CADM2: variants seen among roughly 807,000 people sequenced by gnomAD.
CADM2 encodes immunoglobulin superfamily member 4D.
Under a neutral mutation model 49.8 loss-of-function variants are expected in CADM2, and 12 were observed. The ratio of observed to expected loss-of-function variants is 0.24; its 90% CI spans 0.15 to 0.39. CADM2 has a LOEUF of 0.39. Among genes scored for constraint, CADM2 ranks in the 10% least tolerant of loss-of-function variants. CADM2 has a pLI of 1.00. For missense variants in CADM2, 378 were observed against 492.3 expected, an observed-to-expected ratio of 0.77 and a Z score of 2.20; for synonymous variants, 214 against 175.4, an observed-to-expected ratio of 1.22 and a Z score of -1.74.
At chr3:85,303,396 C>T (rs549154718) in intron 1 of CADM2, among the ~76,000 whole-genome samples, 69 of 152,056 alleles carry the variant, frequency 4.5e-4, no homozygotes, top group African/African-American at 1.6e-3. Context: ...CACACCCACA[C>T]TGCGCAAAGT....
At chr3:85,653,581 T>A (rs1430831571) in intron 1 of CADM2, among the ~76,000 whole-genome samples, 1 of 151,950 alleles carries the variant, frequency 6.6e-6, no homozygotes, top group African/African-American at 2.4e-5. Context: ...CAAGAGATTT[T>A]TACAATTTAA....
In CADM2 at chr3:86,067,551, C is replaced by A. The variant is rs1739469462; in HGVS notation, c.*768C>A. ...CTTTTGGAATCACAAATATTTAATTCATTTCTCTAATTTGATTCTATAATT... is the reference window on the plus strand; with the variant it reads ...CTTTTGGAATCACAAATATTTAATTAATTTCTCTAATTTGATTCTATAATT... On this transcript the variant is annotated 3_prime_UTR_variant, in exon 10 of 10. Transcript: ENST00000383699. 6.6e-6 allele frequency: 1 copy of A among 152,448 alleles called. No individual in the cohort carries two copies. Among genetic ancestry groups the A allele is most frequent in the Non-Finnish European group, 1.5e-5 (1 of 67,934 alleles). 9.4% of individuals were successfully genotyped at this position (152,448 alleles called of 1,614,324 possible).
intron 6 of CADM2, among the ~76,000 whole-genome samples, chr3:85,919,786 C>T (rs1296934286): frequency 6.6e-6 from 1 of 151,752 alleles, no homozygotes; most frequent in African/African-American, 2.4e-5. Context: ...TGTTACTTTT[C>T]TGGACCAACT....
intron 2 of CADM2, among the ~76,000 whole-genome samples, chr3:85,795,898 A>G (rs2071591820): frequency 6.6e-6 from 1 of 152,230 alleles, no homozygotes. Context: ...TTGAACTTTC[A>G]GAACAAACTC....
At chr3:85,440,874 T>C (rs777799321) in intron 1 of CADM2, among the ~76,000 whole-genome samples, 13 of 151,934 alleles carry the variant, frequency 8.6e-5, no homozygotes, top group Non-Finnish European at 1.8e-4. Flanking sequence ...CCCAGTTATT[T>C]ACGAGGCTGA....
At chr3:85,545,571 A>C (rs981207447) in intron 1 of CADM2, among the ~76,000 whole-genome samples, 1 of 152,134 alleles carries the variant, frequency 6.6e-6, no homozygotes, top group South Asian at 2.1e-4. Context: ...CTCAAGTTCA[A>C]TGTGTCTGAC....
chr3:85,648,206 T>C (rs2064945311), intron 1 of CADM2, among the ~76,000 whole-genome samples: 1 of 151,924 alleles, frequency 6.6e-6, no homozygotes. Flanking sequence ...TATGACACAC[T>C]TTTTTCTATT....
chr3:86,063,423 T>G (rs932343781), intron 8 of CADM2, among the ~76,000 whole-genome samples: 2 of 152,190 alleles, frequency 1.3e-5, no homozygotes, highest in South Asian at 4.1e-4. Context: ...CCCTCTGTCT[T>G]GACAAGGTTT....
chr3:85,836,116 G>A (rs2074398574), intron 3 of CADM2, among the ~76,000 whole-genome samples: 1 of 151,462 alleles, frequency 6.6e-6, no homozygotes, highest in East Asian at 1.9e-4. Context: ...TTGTAACAAA[G>A]GGACTAAAGC....
intron 1 of CADM2, among the ~76,000 whole-genome samples, chr3:85,389,304 GT>G (rs952729830): frequency 6.6e-6 from 1 of 152,082 alleles, no homozygotes. Flanking sequence ...GCCATAAATA[GT>G]GTAACAAGTA....
At chr3:85,755,995 G>A (rs1009475119) in intron 2 of CADM2, among the ~76,000 whole-genome samples, 1 of 152,066 alleles carries the variant, frequency 6.6e-6, no homozygotes, top group Admixed American at 6.5e-5. Flanking sequence ...CACTTGGCAA[G>A]CCCCTCCCTT....
chr3:85,158,312 G>A (rs1201929342), intron 1 of CADM2, among the ~76,000 whole-genome samples: 4 of 152,032 alleles, frequency 2.6e-5, no homozygotes, highest in East Asian at 1.9e-4. Context: ...AACTAGAAAT[G>A]CCATTTGACC....
intron 1 of CADM2, among the ~76,000 whole-genome samples, chr3:85,437,294 T>C (rs1042881697): frequency 6.6e-6 from 1 of 152,160 alleles, no homozygotes; most frequent in Admixed American, 6.6e-5. Context: ...TTGGCAATGA[T>C]GAAAAAGTTT....
At chr3:86,066,257 C>T (rs1017213538) in intron 9 of CADM2, among the ~76,000 whole-genome samples, 2 of 133,376 alleles carry the variant, frequency 1.5e-5, no homozygotes, top group Admixed American at 9.1e-5. Context: ...TGCTTGAACC[C>T]GGGAGGCGGA....
chr3:85,780,474 C>T (rs964964843), intron 2 of CADM2, among the ~76,000 whole-genome samples: 1 of 152,134 alleles, frequency 6.6e-6, no homozygotes, highest in Non-Finnish European at 1.5e-5. Flanking sequence ...AACAATAAAA[C>T]AAGAAAAAGA....
intron 2 of CADM2, among the ~76,000 whole-genome samples, chr3:85,783,916 C>T (rs1033738545): frequency 5.9e-5 from 9 of 152,216 alleles, no homozygotes; most frequent in Non-Finnish European, 1.2e-4. Context: ...AAAGTACGAT[C>T]ATCTTTGTAG....
At chr3:85,797,373 A>G (rs2071693152) in intron 2 of CADM2, among the ~76,000 whole-genome samples, 1 of 152,046 alleles carries the variant, frequency 6.6e-6, no homozygotes, top group Non-Finnish European at 1.5e-5. Context: ...CATCATCTAC[A>G]TTAAGTATTT....
chr3:85,482,542 G>T (rs372073078), intron 1 of CADM2, among the ~76,000 whole-genome samples: 1 of 151,602 alleles, frequency 6.6e-6, no homozygotes, highest in African/African-American at 2.4e-5. Flanking sequence ...CTGAACTTAT[G>T]ACTGAATAAG....
At chr3:85,079,270 G>A (rs1210831452) in intron 1 of CADM2, among the ~76,000 whole-genome samples, 1 of 151,622 alleles carries the variant, frequency 6.6e-6, no homozygotes, top group Non-Finnish European at 1.5e-5. Context: ...ATTTATAACA[G>A]TTATTCACAT....
Sources: gnomAD v4.1 joint callset for allele counts (sites outside exome capture counted in the v4.1 genomes callset) on GRCh38, gnomAD v4.1.1 for gene constraint, MANE v1.5 for transcripts, NCBI Gene and HGNC (gene_info 2026-07-23, HGNC 2026-07-21) for gene names.